Variants in PANX1 observed in about 807,000 individuals in gnomAD.
PANX1 encodes the protein pannexin 1, also known as pannexin-1.
PANX1 carries 30 observed loss-of-function variants against 38.7 expected under a neutral mutation model. The ratio of observed to expected loss-of-function variants is 0.78; its 90% CI spans 0.58 to 1.05. PANX1 has a LOEUF of 1.05. Among genes scored for constraint, PANX1 ranks in the 50% least tolerant of loss-of-function variants. PANX1 has a pLI of 0.00. For synonymous variants in PANX1, 230 were observed against 212.2 expected, an observed-to-expected ratio of 1.08 and a Z score of -0.73; for missense variants, 551 against 517.2, an observed-to-expected ratio of 1.07 and a Z score of -0.63.
intron 1 of PANX1, among the ~76,000 whole-genome samples, chr11:94,131,644 G>GA (rs1461233916): frequency 6.6e-6 from 1 of 152,232 alleles, no homozygotes; most frequent in African/African-American, 2.4e-5. Context: ...GTGTTTTCAG[G>GA]AGTTCCAGGG....
intron 1 of PANX1, among the ~76,000 whole-genome samples, chr11:94,134,857 C>A (rs889512399): frequency 2.0e-5 from 3 of 152,112 alleles, no homozygotes; most frequent in Non-Finnish European, 4.4e-5. Context: ...CTTGAACTTC[C>A]CAGGCTGTGA....
At chr11:94,167,327 C>T (rs1000494255) in intron 2 of PANX1, among the ~76,000 whole-genome samples, 2 of 152,180 alleles carry the variant, frequency 1.3e-5, no homozygotes, top group Non-Finnish European at 2.9e-5. Context: ...GTGATTGCTC[C>T]TCTGATTTTT....
Position 94,177,232 on chromosome 11 carries a change from T to G in PANX1, c.322-1137T>G, listed in dbSNP as rs556740438. Among the ~76,000 whole-genome samples, 4 of 150,510 alleles carry G rather than the reference T, an allele frequency of 2.7e-5. No homozygotes were observed. The East Asian group carries it at 7.8e-4, about 29-fold the overall frequency. On this transcript the variant is annotated intron_variant, in intron 2 of 4. Coordinates refer to ENST00000227638, the MANE Select transcript of PANX1 (RefSeq NM_015368.4). ...CTCAGTAATGGTGTACAGGAGAGAA[T>G]AGAGGCAGGGAGAGCCACTTGGTAA...
chr11:94,145,497 A>G (rs1415436716), intron 1 of PANX1, among the ~76,000 whole-genome samples: 3 of 152,152 alleles, frequency 2.0e-5, no homozygotes, highest in South Asian at 2.1e-4. Flanking sequence ...TCTTCCTTCC[A>G]TCTAGCTTTT....
chr11:94,147,856 C>G (rs974151392), intron 1 of PANX1, among the ~76,000 whole-genome samples: 1 of 152,150 alleles, frequency 6.6e-6, no homozygotes, highest in African/African-American at 2.4e-5. Context: ...ACCATTCATT[C>G]TAAAATGCCC....
In PANX1 at chr11:94,178,324, C is replaced by T. The variant is rs956368143; in HGVS notation, c.322-45C>T. The stretch of plus-strand genomic sequence containing the variant: ...CATCACTTGGCGCCATAGGTTACTG[C>T]ATGGGGGGTTTGTTAAGCCCATGAT... On this transcript the variant is annotated intron_variant, in intron 2 of 4. Coordinates refer to ENST00000227638, the MANE Select transcript of PANX1 (RefSeq NM_015368.4). The T allele has an allele frequency of 2.1e-6, 3 of 1,425,410 alleles. No homozygotes were observed. The South Asian group carries it at 3.4e-5, about 16-fold the overall frequency. 88.3% of individuals were successfully genotyped at this position (1,425,410 alleles called of 1,614,324 possible). A position where few individuals can be genotyped will look rare whatever the true frequency, so the allele number is the denominator to read the frequency against.
chr11:94,144,734 C>T (rs1257067813), intron 1 of PANX1, among the ~76,000 whole-genome samples: 2 of 152,150 alleles, frequency 1.3e-5, no homozygotes, highest in African/African-American at 4.8e-5. Flanking sequence ...TGCACCTTCT[C>T]TCCTCCCTGG....
In PANX1 at chr11:94,179,774, C is replaced by T. The variant is rs1395589228; in HGVS notation, c.718C>T (p.Leu240Phe). 2 of 1,614,034 alleles carry T rather than the reference C, an allele frequency of 1.2e-6. No individual in the cohort carries two copies. Among genetic ancestry groups the T allele is most frequent in the Non-Finnish European group, 1.7e-6 (2 of 1,180,022 alleles). Residue 240 changes from leucine (L) to phenylalanine (F), a missense_variant, in exon 4 of 5, where the codon CTC (leucine) becomes TTC (phenylalanine). Coordinates refer to ENST00000227638, the MANE Select transcript of PANX1 (RefSeq NM_015368.4). Reference sequence around the variant, plus strand: ...GGGCTATTACTTCAGCCTCTCCTCACTCTCAGACGAGTTTGTGTGCAGCAT... The same window carrying T: ...GGGCTATTACTTCAGCCTCTCCTCATTCTCAGACGAGTTTGTGTGCAGCAT... ...YLGYYFSLSSLSDEFVCSIKS... is the reference protein window; with the variant it reads ...YLGYYFSLSSFSDEFVCSIKS...
At chr11:94,169,288 G>A (rs1201726051) in intron 2 of PANX1, among the ~76,000 whole-genome samples, 1 of 151,540 alleles carries the variant, frequency 6.6e-6, no homozygotes, top group Admixed American at 6.6e-5. Context: ...GTGGGGTGAT[G>A]AGGAAAGTTA....
At chr11:94,139,552 C>A (rs902759932) in intron 1 of PANX1, among the ~76,000 whole-genome samples, 1 of 152,174 alleles carries the variant, frequency 6.6e-6, no homozygotes, top group African/African-American at 2.4e-5. Context: ...TGGCAGTGGT[C>A]TCCTGGATAG....
chr11:94,152,462 C>T (rs1025541120), intron 1 of PANX1, among the ~76,000 whole-genome samples: 1 of 152,218 alleles, frequency 6.6e-6, no homozygotes, highest in Middle Eastern at 3.2e-3. Flanking sequence ...TCACTGAGCA[C>T]ACTCCCAGGC....
intron 2 of PANX1, among the ~76,000 whole-genome samples, chr11:94,172,653 C>G (rs1947181711): frequency 6.6e-6 from 1 of 151,732 alleles, no homozygotes; most frequent in African/African-American, 2.4e-5. Context: ...CCATGTAGCT[C>G]TCAAACCTGT....
intron 2 of PANX1, chr11:94,175,730 A>C (rs779832822): frequency 5.1e-6 from 5 of 984,450 alleles, no homozygotes; most frequent in Non-Finnish European, 6.0e-6. Flanking sequence ...TTAAATGAAC[A>C]TTCCTTCTCC....
chr11:94,157,025 G>C (rs111941637), intron 2 of PANX1, among the ~76,000 whole-genome samples: 20 of 152,174 alleles, frequency 1.3e-4, no homozygotes, highest in African/African-American at 4.8e-4. Context: ...ATGGTTTCCA[G>C]CTTCATCCAT....
intron 2 of PANX1, among the ~76,000 whole-genome samples, chr11:94,165,784 C>T (rs372670939): frequency 1.3e-5 from 2 of 152,136 alleles, no homozygotes; most frequent in South Asian, 2.1e-4. Flanking sequence ...GTGGTGCATG[C>T]CTGTAATCCC....
At position 94,178,585 on chromosome 11, in the gene PANX1, G is replaced by A. The variant is rs774382292; in HGVS notation, c.538G>A (p.Gly180Arg). ...CSVPGVTENL[G>R]QSLWEVSESH... ...AGTTCCAGGTGTTACCGAGAACTTAGGGCAAAGGTAACTTAGCCCCAGCAG... is the reference window on the plus strand; with the variant it reads ...AGTTCCAGGTGTTACCGAGAACTTAAGGCAAAGGTAACTTAGCCCCAGCAG... Residue 180 changes from glycine (G) to arginine (R), a missense_variant, in exon 3 of 5, where the codon GGG becomes AGG. By Grantham distance (125) the Gly-to-Arg change is moderately radical (BLOSUM62 -2). Coordinates refer to ENST00000227638, the MANE Select transcript of PANX1 (RefSeq NM_015368.4). The A allele has an allele frequency of 6.2e-7, 1 of 1,612,786 alleles. No individual in the cohort carries two copies. Among genetic ancestry groups the A allele is most frequent in the South Asian group, 1.1e-5 (1 of 91,026 alleles).
intron 1 of PANX1, among the ~76,000 whole-genome samples, chr11:94,136,207 A>C (rs1345524513): frequency 6.6e-6 from 1 of 152,166 alleles, no homozygotes; most frequent in South Asian, 2.1e-4. Context: ...AAAAAAAAAA[A>C]CCACTGCCCT....
At chr11:94,158,444 T>C (rs1378182623) in intron 2 of PANX1, among the ~76,000 whole-genome samples, 1 of 152,166 alleles carries the variant, frequency 6.6e-6, no homozygotes, top group Non-Finnish European at 1.5e-5. Context: ...TTTGTAGTTC[T>C]CCTTGAAGAG....
At chr11:94,163,270 A>G (rs1947069358) in intron 2 of PANX1, among the ~76,000 whole-genome samples, 1 of 152,184 alleles carries the variant, frequency 6.6e-6, no homozygotes, top group Non-Finnish European at 1.5e-5. Context: ...AAATCAGGGA[A>G]TGAAAGTGTT....
Sources: gnomAD v4.1 joint callset for allele counts (sites outside exome capture counted in the v4.1 genomes callset) on GRCh38, gnomAD v4.1.1 for gene constraint, MANE v1.5 for transcripts, NCBI Gene and HGNC (gene_info 2026-07-23, HGNC 2026-07-21) for gene names.